The following EMSY variants were observed in gnomAD, a reference collection of about 807,000 sequenced individuals.
EMSY encodes BRCA2-interacting transcriptional repressor EMSY.
A neutral mutation model predicts 134.6 loss-of-function variants in EMSY; 26 were observed. The observed-to-expected ratio is 0.19, with a 90% CI of 0.14 to 0.27. The LOEUF is 0.27. Ranked by LOEUF, EMSY falls within the 10% of genes least tolerant of loss-of-function variation. The probability of loss-of-function intolerance (pLI) is 1.00; values close to 1 mark genes in which losing one functional copy is unlikely to be tolerated. For synonymous variants in EMSY, 579 were observed against 577.8 expected (o/e 1.00, Z -0.03); for missense variants, 1,305 against 1,611.4 (o/e 0.81, Z 3.26).
intron 3 of EMSY, 49 bp downstream of exon 3, chr11:76,452,006 G>A: frequency 8.1e-7 from 1 of 1,228,402 alleles, no homozygotes; most frequent in Non-Finnish European, 1.1e-6. Flanking sequence ...CATTTTGGGG[G>A]ATTTTATTAC....
chr11:76,547,534 C>G (rs1199304210), intron 20 of EMSY, among the ~76,000 whole-genome samples: 2 of 152,128 alleles, frequency 1.3e-5, no homozygotes, highest in African/African-American at 4.8e-5. Context: ...TTGGGCAAGG[C>G]TACTTAACGT....
At chr11:76,516,602 C>T (rs940175738) in intron 11 of EMSY, 2 of 206,302 alleles carry the variant, frequency 9.7e-6, no homozygotes, top group African/African-American at 4.7e-5. Flanking sequence ...GCAAAGTATC[C>T]TTCTATTTGT....
intron 8 of EMSY, among the ~76,000 whole-genome samples, chr11:76,488,496 G>A (rs148795502): frequency 3.4e-4 from 51 of 149,958 alleles, no homozygotes; most frequent in African/African-American, 1.1e-3. Context: ...TAAAGTTATT[G>A]TTACAGAGCC....
intron 9 of EMSY, among the ~76,000 whole-genome samples, chr11:76,504,068 G>A (rs1209852493): frequency 6.6e-6 from 1 of 151,974 alleles, no homozygotes; most frequent in Non-Finnish European, 1.5e-5. Context: ...TTACAGGCGG[G>A]AGCCACTGTG....
At chr11:76,541,267 A>C (rs1237689799) in intron 17 of EMSY, among the ~76,000 whole-genome samples, 3 of 152,180 alleles carry the variant, frequency 2.0e-5, no homozygotes. Context: ...AAGCTGGTAA[A>C]ATTTGATAGA....
chr11:76,512,647 A>G (rs2136107855), intron 9 of EMSY, among the ~76,000 whole-genome samples: 1 of 151,374 alleles, frequency 6.6e-6, no homozygotes, highest in South Asian at 2.1e-4. Flanking sequence ...TAAATGGGAA[A>G]AGGGTTAAAA....
intron 8 of EMSY, among the ~76,000 whole-genome samples, chr11:76,495,370 T>C (rs1949611645): frequency 6.6e-6 from 1 of 152,250 alleles, no homozygotes; most frequent in Admixed American, 6.5e-5. Flanking sequence ...TATGATGAGT[T>C]ATATTCCAGG....
Position 76,505,885 on chromosome 11 carries a change from C to T in EMSY, c.1364-7501C>T, listed in dbSNP as rs867960622. ...AAAAAAAGAAAAAAAAATTTCAGGC[C>T]GAGCACAGTGGCTCACACCTATAAT... On this transcript the variant is annotated intron_variant, in intron 9 of 20. Transcript: ENST00000334736. Among the ~76,000 whole-genome samples the T allele has an allele frequency of 1.4e-4, 21 of 150,380 alleles. No homozygotes were observed. The Middle Eastern group carries it at 0.011, about 80-fold the overall frequency.
At chr11:76,453,636 A>C in intron 4 of EMSY, 1 of 311,032 alleles carries the variant, frequency 3.2e-6, no homozygotes, top group Non-Finnish European at 6.0e-6. Flanking sequence ...TGTCTAACTA[A>C]AAATCACCAC....
intron 8 of EMSY, among the ~76,000 whole-genome samples, chr11:76,495,197 A>T (rs1949602195): frequency 6.6e-6 from 1 of 152,206 alleles, no homozygotes; most frequent in African/African-American, 2.4e-5. Flanking sequence ...TTCTCTAGAG[A>T]CATTTTACAT....
chr11:76,462,975 A>C (rs934624247), intron 6 of EMSY, among the ~76,000 whole-genome samples: 3 of 152,222 alleles, frequency 2.0e-5, no homozygotes, highest in Non-Finnish European at 2.9e-5. Flanking sequence ...ATTGTTGCTA[A>C]GATACAGGCA....
chr11:76,514,191 GATA>G (rs1369251193), intron 10 of EMSY, among the ~76,000 whole-genome samples: 1 of 151,950 alleles, frequency 6.6e-6, no homozygotes, highest in Non-Finnish European at 1.5e-5. Flanking sequence ...ATTTAAATGG[GATA>G]ATAATACCTA....
At chr11:76,505,774 G>A (rs1446961900) in intron 9 of EMSY, among the ~76,000 whole-genome samples, 1 of 151,660 alleles carries the variant, frequency 6.6e-6, no homozygotes, top group African/African-American at 2.4e-5. Flanking sequence ...GGAGAATCGC[G>A]TGAACCCGGG....
rs533776981 is a variant in EMSY, at chr11:76,475,605, C to G, written c.1108+2765C>G. Among the ~76,000 whole-genome samples the G allele has an allele frequency of 4.6e-5, 7 of 152,232 alleles. No individual in the cohort carries two copies. The South Asian group carries it at 6.2e-4, about 14-fold the overall frequency. On this transcript the variant is annotated intron_variant, in intron 8 of 20. Coordinates refer to ENST00000334736, the Ensembl canonical transcript of EMSY. Reference sequence around the variant, plus strand: ...AAAGTAAACTCTGAGTATAGATACTCAAGGAAACGATGTGATTATTTTGTT... The same window carrying G: ...AAAGTAAACTCTGAGTATAGATACTGAAGGAAACGATGTGATTATTTTGTT...
intron 14 of EMSY, among the ~76,000 whole-genome samples, chr11:76,530,228 C>T (rs1214989458): frequency 2.8e-5 from 4 of 140,912 alleles, no homozygotes; most frequent in Non-Finnish European, 6.0e-5. Context: ...GGCGTGATCT[C>T]GGCTCACTGC....
chr11:76,454,914 C>T (rs1947809270), intron 4 of EMSY, 124 bp downstream of exon 5: 3 of 715,994 alleles, frequency 4.2e-6, no homozygotes, highest in Non-Finnish European at 2.2e-6. Context: ...CTTTCCTTCT[C>T]TTCCCCTCCT....
intron 11 of EMSY, among the ~76,000 whole-genome samples, chr11:76,520,944 TAGA>T (rs1224288061): frequency 1.3e-5 from 2 of 152,218 alleles, no homozygotes; most frequent in East Asian, 1.9e-4. Flanking sequence ...TGTAGGCCTA[TAGA>T]AGAAGAACTT....
At chr11:76,546,214 G>C in exon 20 of EMSY, 1 of 1,614,176 alleles carries the variant, frequency 6.2e-7, no homozygotes. Flanking sequence ...TCCACCAGCA[G>C]TGCCTGCGAC....
chr11:76,520,808 T>A (rs1565342333), intron 11 of EMSY, among the ~76,000 whole-genome samples: 1 of 151,366 alleles, frequency 6.6e-6, no homozygotes, highest in South Asian at 2.1e-4. Flanking sequence ...TGTATAAAAC[T>A]TAAGTAAGGA....
Sources: gnomAD v4.1 joint callset for allele counts (sites outside exome capture counted in the v4.1 genomes callset) on GRCh38, gnomAD v4.1.1 for gene constraint, MANE v1.5 for transcripts, NCBI Gene and HGNC (gene_info 2026-07-23, HGNC 2026-07-21) for gene names.